GABRA3: variants seen among roughly 807,000 people sequenced by gnomAD.
GABRA3 encodes gamma-aminobutyric acid type A receptor subunit alpha3, also known as gamma-aminobutyric acid receptor subunit alpha-3.
GABRA3 carries 10 observed loss-of-function variants against 30.1 expected under a neutral mutation model. That is an observed-to-expected ratio of 0.33 (90% CI 0.20 to 0.56). The LOEUF (loss-of-function observed/expected upper bound fraction) is 0.56. Among genes scored for constraint, GABRA3 ranks in the 20% least tolerant of loss-of-function variants. The probability of loss-of-function intolerance (pLI) is 0.89; values close to 1 mark genes in which losing one functional copy is unlikely to be tolerated. For missense variants in GABRA3, 233 were observed against 392.0 expected (o/e 0.59, Z 3.42); for synonymous variants, 151 against 146.8 (o/e 1.03, Z -0.21).
At chrX:152,324,000 T>A (rs778658617) in intron 3 of GABRA3, among the ~76,000 whole-genome samples, 13 of 112,207 alleles carry the variant, frequency 1.2e-4, no homozygotes. Context: ...CAACCTTACA[T>A]CCCCAGAGCA....
chrX:152,289,206 G>A (rs191095480), intron 3 of GABRA3, among the ~76,000 whole-genome samples: 7 of 109,436 alleles, frequency 6.4e-5, no homozygotes, highest in African/African-American at 2.3e-4. Context: ...TCAAATATAT[G>A]TCCAATAATT....
intron 9 of GABRA3, among the ~76,000 whole-genome samples, chrX:152,177,391 A>G (rs1937088033): frequency 9.0e-6 from 1 of 111,381 alleles, no homozygotes; most frequent in South Asian, 3.8e-4. Flanking sequence ...AGGGGAGGAT[A>G]AATAACCATA....
intron 3 of GABRA3, among the ~76,000 whole-genome samples, chrX:152,314,828 TTGTC>T (rs777586446): frequency 4.0e-4 from 45 of 112,453 alleles, no homozygotes; most frequent in African/African-American, 1.4e-3. Context: ...TCTTTAATGT[TTGTC>T]TGTCTCACAT....
chrX:152,263,716 C>T (rs1382024812), intron 4 of GABRA3, among the ~76,000 whole-genome samples: 2 of 111,355 alleles, frequency 1.8e-5, no homozygotes, highest in African/African-American at 3.3e-5. Context: ...ATATCATTAT[C>T]CAAGTACAAG....
chrX:152,250,326 C>T (rs1194447401), intron 5 of GABRA3, among the ~76,000 whole-genome samples: 2 of 111,360 alleles, frequency 1.8e-5, no homozygotes, highest in Non-Finnish European at 3.8e-5. Flanking sequence ...TGTAGCTCAG[C>T]AGATATTCCA....
At chrX:152,442,656 C>A (rs1450227742) in intron 1 of GABRA3, among the ~76,000 whole-genome samples, 1 of 111,144 alleles carries the variant, frequency 9.0e-6, no homozygotes, top group East Asian at 2.8e-4. Flanking sequence ...TTTAAAGCTA[C>A]AATAATATTT....
chrX:152,241,336 C>A (rs1211411552), intron 5 of GABRA3, among the ~76,000 whole-genome samples: 1 of 88,940 alleles, frequency 1.1e-5, no homozygotes, highest in African/African-American at 3.4e-5. Context: ...GGGTCAGGGA[C>A]CCACTTGAGG....
chrX:152,304,429 G>A (rs1389683498), intron 3 of GABRA3, among the ~76,000 whole-genome samples: 1 of 112,008 alleles, frequency 8.9e-6, no homozygotes, highest in African/African-American at 3.2e-5. Context: ...TTTGTAGTTT[G>A]GCGTCTTATA....
rs766631170 is a variant in GABRA3, at chrX:152,186,359, G to A, written c.1143+3371C>T. 6.1e-4 allele frequency among the ~76,000 whole-genome samples: 67 copies of A among 110,139 alleles called. No individual in the cohort carries two copies. In the Middle Eastern group the frequency reaches 0.014, roughly 23 times the overall value. On this transcript the variant is annotated intron_variant, in intron 9 of 9. Transcript: ENST00000370314. The stretch of plus-strand genomic sequence containing the variant: ...AGCCTCCCAAGTAGCATGCTACCGT[G>A]CCCAGCTAATTTTTTGTATTTTTGT...
chrX:152,169,309 G>A (rs1034402735), intron 9 of GABRA3, among the ~76,000 whole-genome samples: 1 of 112,271 alleles, frequency 8.9e-6, no homozygotes, highest in African/African-American at 3.2e-5. Flanking sequence ...GCAAGCTCAG[G>A]AGCGGGCCAA....
At chrX:152,183,355 A>G (rs904353622) in intron 9 of GABRA3, among the ~76,000 whole-genome samples, 3 of 110,674 alleles carry the variant, frequency 2.7e-5, no homozygotes, top group Admixed American at 9.7e-5. Flanking sequence ...ACAATTGTTT[A>G]TAGTAATCTG....
At chrX:152,367,095 G>A (rs1928679182) in intron 1 of GABRA3, among the ~76,000 whole-genome samples, 1 of 110,925 alleles carries the variant, frequency 9.0e-6, no homozygotes, top group Non-Finnish European at 1.9e-5. Flanking sequence ...TACAGTGAAG[G>A]AACATCATAC....
intron 1 of GABRA3, among the ~76,000 whole-genome samples, chrX:152,430,879 G>C (rs1230782685): frequency 9.1e-6 from 1 of 109,916 alleles, no homozygotes; most frequent in Non-Finnish European, 1.9e-5. Context: ...TAAAATAGTA[G>C]GAGGGAAAGG....
At chrX:152,244,029 C>T (rs1938423831) in intron 5 of GABRA3, among the ~76,000 whole-genome samples, 1 of 112,167 alleles carries the variant, frequency 8.9e-6, no homozygotes, top group Non-Finnish European at 1.9e-5. Flanking sequence ...ATTATTCTTA[C>T]TGTATGATTT....
chrX:152,369,766 T>C (rs1301706845), intron 1 of GABRA3, among the ~76,000 whole-genome samples: 2 of 111,200 alleles, frequency 1.8e-5, no homozygotes, highest in Admixed American at 9.6e-5. Flanking sequence ...GTTTCTCAGA[T>C]AGAAAAGCTC....
At chrX:152,438,072 T>C (rs1602730732) in intron 1 of GABRA3, among the ~76,000 whole-genome samples, 1 of 111,942 alleles carries the variant, frequency 8.9e-6, no homozygotes, top group African/African-American at 3.2e-5. Context: ...ATATATCTAG[T>C]ACAGAACTTA....
intron 4 of GABRA3, among the ~76,000 whole-genome samples, chrX:152,276,945 T>C (rs765810522): frequency 3.6e-5 from 4 of 111,990 alleles, no homozygotes; most frequent in African/African-American, 1.3e-4. Context: ...GGAAATGGTA[T>C]CAGGGTAAGG....
chrX:152,171,332 C>G (rs1936999503), intron 9 of GABRA3: 1 of 399,623 alleles, frequency 2.5e-6, no homozygotes, highest in Non-Finnish European at 3.2e-6. Flanking sequence ...ACGTTAATCA[C>G]AGATTTTTTA....
In GABRA3 at chrX:152,364,448, C is replaced by T; in HGVS notation, c.123G>A (p.Val41=). Residue 41 remains valine, a synonymous_variant, in exon 2 of 10, where the codon GTG becomes GTA. Transcript: ENST00000370314. ...GTTCTTACCCGCCAATGTCCTGCTT[C>T]ACAAAGTCCCCGGGTTCTTGTCGTC... ...ESRRQEPGDF[V]KQDIGGLSPK... 8.3e-7 allele frequency: 1 copy of T among 1,209,511 alleles called. No individual in the cohort carries two copies. Among genetic ancestry groups the T allele is most frequent in the Non-Finnish European group, 1.1e-6 (1 of 894,354 alleles).
Sources: allele counts gnomAD v4.1 joint callset (sites outside exome capture counted in the v4.1 genomes callset), GRCh38; gene constraint gnomAD v4.1.1; transcripts MANE v1.5; gene names NCBI Gene and HGNC (gene_info 2026-07-23, HGNC 2026-07-21).